Variants in PRKCB observed in about 807,000 individuals in gnomAD.
PRKCB encodes the protein protein kinase C beta type.
Under a neutral mutation model 81.5 loss-of-function variants are expected in PRKCB, and 13 were observed. That is an observed-to-expected ratio of 0.16 (90% CI 0.10 to 0.25). The LOEUF is 0.25. Ranked by LOEUF, PRKCB falls within the 10% of genes least tolerant of loss-of-function variation. The probability of loss-of-function intolerance (pLI) is 1.00; values close to 1 mark genes in which losing one functional copy is unlikely to be tolerated. For missense variants in PRKCB, 509 were observed against 875.7 expected, an observed-to-expected ratio of 0.58 and a Z score of 5.29; for synonymous variants, 335 against 321.4, an observed-to-expected ratio of 1.04 and a Z score of -0.45.
intron 2 of PRKCB, among the ~76,000 whole-genome samples, chr16:23,874,710 C>T (rs1459563404): frequency 6.6e-6 from 1 of 151,988 alleles, no homozygotes; most frequent in Non-Finnish European, 1.5e-5. Context: ...ATGTGGGCCA[C>T]CAATGTGTAA....
At chr16:24,068,189 A>G (rs1369211948) in intron 5 of PRKCB, among the ~76,000 whole-genome samples, 6 of 152,168 alleles carry the variant, frequency 3.9e-5, no homozygotes, top group Admixed American at 2.0e-4. Context: ...CTCTAGCACC[A>G]TAAGCCTGAC....
rs1206346997 is a variant in PRKCB at position 24,215,152 on chromosome 16, C to T, written c.*336C>T. On this transcript the variant is annotated 3_prime_UTR_variant, in exon 17 of 17. Transcript: ENST00000643927. ...CTCTTTTTCTGCACTGCCATATTCA[C>T]CCCCAACCATCCAATCTGTGGATAA... 1 of 1,064,758 alleles carries T rather than the reference C, an allele frequency of 9.4e-7. No individual in the cohort carries two copies. Among genetic ancestry groups the T allele is most frequent in the Non-Finnish European group, 1.1e-6 (1 of 877,270 alleles). The allele number at this position is 1,064,758 out of a possible 1,614,324, so 66.0% of individuals were successfully genotyped here.
At chr16:24,096,010 A>G (rs146158565) in intron 7 of PRKCB, among the ~76,000 whole-genome samples, 1 of 152,292 alleles carries the variant, frequency 6.6e-6, no homozygotes, top group African/African-American at 2.4e-5. Flanking sequence ...TTTAAAATGT[A>G]CACTAGGCCG....
At chr16:24,132,010 G>A (rs528023332) in intron 9 of PRKCB, among the ~76,000 whole-genome samples, 22 of 152,180 alleles carry the variant, frequency 1.4e-4, no homozygotes, top group Non-Finnish European at 2.4e-4. Flanking sequence ...AGGAATATGC[G>A]CAACACTGCC....
chr16:24,206,629 T>C (rs1968050435), intron 16 of PRKCB, among the ~76,000 whole-genome samples: 1 of 152,200 alleles, frequency 6.6e-6, no homozygotes, highest in Admixed American at 6.5e-5. Context: ...ATGTCTCTCT[T>C]GCAGGTCCCA....
chr16:23,991,356 T>A (rs1964883715), intron 3 of PRKCB, among the ~76,000 whole-genome samples: 2 of 152,210 alleles, frequency 1.3e-5, no homozygotes, highest in African/African-American at 4.8e-5. Flanking sequence ...GTTTGTCATG[T>A]TCTCTCAGAT....
intron 5 of PRKCB, among the ~76,000 whole-genome samples, chr16:24,069,355 G>T (rs925783157): frequency 1.3e-5 from 2 of 152,198 alleles, no homozygotes; most frequent in African/African-American, 4.8e-5. Context: ...TCAGCTGCTG[G>T]ATTCCTGCCT....
At chr16:24,027,845 C>A (rs1168725999) in intron 3 of PRKCB, among the ~76,000 whole-genome samples, 2 of 152,192 alleles carry the variant, frequency 1.3e-5, no homozygotes, top group Non-Finnish European at 2.9e-5. Flanking sequence ...TCATAGCTCA[C>A]TGCAGCCTTG....
chr16:24,172,451 C>A, intron 11 of PRKCB, 90 bp downstream of exon 11: 1 of 1,010,016 alleles, frequency 9.9e-7, no homozygotes, highest in Non-Finnish European at 1.5e-6. Flanking sequence ...AAAGAGGGAT[C>A]TTTAAACACC....
intron 2 of PRKCB, among the ~76,000 whole-genome samples, chr16:23,852,398 G>A (rs1962488573): frequency 6.6e-6 from 1 of 150,954 alleles, no homozygotes; most frequent in Admixed American, 6.6e-5. Flanking sequence ...CCTTTATTTT[G>A]TTAACATGGG....
At chr16:24,081,877 G>A (rs571588097) in intron 5 of PRKCB, among the ~76,000 whole-genome samples, 24 of 150,970 alleles carry the variant, frequency 1.6e-4, no homozygotes, top group Non-Finnish European at 3.4e-4. Context: ...TCTCAAAAAA[G>A]TAATAATAAA....
chr16:24,124,315 A>G (rs1239992739), intron 9 of PRKCB, among the ~76,000 whole-genome samples: 2 of 152,156 alleles, frequency 1.3e-5, no homozygotes, highest in Non-Finnish European at 2.9e-5. Flanking sequence ...GGTGCATCCT[A>G]GGAACCATCA....
chr16:24,068,348 T>C (rs1596535292), intron 5 of PRKCB, among the ~76,000 whole-genome samples: 2 of 152,280 alleles, frequency 1.3e-5, no homozygotes, highest in South Asian at 2.1e-4. Context: ...CTGCCTTCCC[T>C]GGAAGCTTTG....
At position 24,165,380 on chromosome 16, in the gene PRKCB, A is replaced by G. The variant is rs188439562; in HGVS notation, c.1240-6890A>G. Among the ~76,000 whole-genome samples the G allele has an allele frequency of 7.9e-5, 12 of 152,286 alleles. No homozygotes were observed. The East Asian group carries it at 1.4e-3, about 17-fold the overall frequency. On this transcript the variant is annotated intron_variant, in intron 10 of 16. Transcript: ENST00000643927. Reference sequence around the variant, plus strand: ...AGATTAGGGTTTGAATTAGTTGTATACTTGTTTTAACCAAGATTCTGAATT... The same window carrying G: ...AGATTAGGGTTTGAATTAGTTGTATGCTTGTTTTAACCAAGATTCTGAATT...
chr16:23,953,840 G>T (rs1403222132), intron 2 of PRKCB, among the ~76,000 whole-genome samples: 1 of 151,828 alleles, frequency 6.6e-6, no homozygotes, highest in African/African-American at 2.4e-5. Flanking sequence ...TAGTCAAAGA[G>T]GGCAGTCAGA....
chr16:24,081,088 T>G (rs1966243230), intron 5 of PRKCB, among the ~76,000 whole-genome samples: 1 of 152,230 alleles, frequency 6.6e-6, no homozygotes, highest in Non-Finnish European at 1.5e-5. Flanking sequence ...AAAGTACAAT[T>G]TATCATTTTT....
chr16:23,934,444 G>T (rs903705018), intron 2 of PRKCB, among the ~76,000 whole-genome samples: 1 of 152,060 alleles, frequency 6.6e-6, no homozygotes, highest in Non-Finnish European at 1.5e-5. Context: ...AAGGGCCAGG[G>T]TATGTTTTCA....
intron 2 of PRKCB, among the ~76,000 whole-genome samples, chr16:23,982,727 C>T (rs1056018533): frequency 6.6e-6 from 1 of 152,180 alleles, no homozygotes; most frequent in Non-Finnish European, 1.5e-5. Flanking sequence ...CTGCACTCAG[C>T]TGCAGGTGGC....
At position 23,836,193 on chromosome 16, in the gene PRKCB, G is replaced by C; in HGVS notation, c.18G>C (p.Ala6=). 1 of 1,567,770 alleles carries C rather than the reference G, an allele frequency of 6.4e-7. No individual in the cohort carries two copies. The highest frequency in any genetic ancestry group is 8.6e-7 in the Non-Finnish European group (1 of 1,160,008). MADPA[A]GPPPSEGEES... is the part of the protein sequence containing the mutation. ...CGCGCAAGATGGCTGACCCGGCTGC[G>C]GGGCCGCCGCCGAGCGAGGGCGAGG... is the stretch of plus-strand genomic sequence containing the variant. The change falls in exon 1 of 17, where the codon GCG becomes GCC. Residue 6 remains alanine, a synonymous_variant. Transcript: ENST00000643927.
Sources: allele counts gnomAD v4.1 joint callset (sites outside exome capture counted in the v4.1 genomes callset), GRCh38; gene constraint gnomAD v4.1.1; transcripts MANE v1.5; gene names NCBI Gene and HGNC (gene_info 2026-07-23, HGNC 2026-07-21).